The following SRGAP2B variants were observed in gnomAD, a reference collection of about 807,000 sequenced individuals.
SRGAP2B encodes SLIT-ROBO Rho GTPase-activating protein 2B.
SRGAP2B carries 9 observed loss-of-function variants against 22.2 expected under a neutral mutation model. That is an observed-to-expected ratio of 0.41 (90% CI 0.24 to 0.71). SRGAP2B has a LOEUF of 0.71. Ranked by LOEUF, SRGAP2B falls within the 30% of genes least tolerant of loss-of-function variation. The probability of loss-of-function intolerance (pLI) is 0.35; values close to 1 mark genes in which losing one functional copy is unlikely to be tolerated. For synonymous variants in SRGAP2B, 36 were observed against 87.4 expected (o/e 0.41, Z 3.28); for missense variants, 114 against 235.8 (o/e 0.48, Z 3.38).
At chr1:145,011,017 T>C (rs1377924236) in intron 2 of SRGAP2B, among the ~76,000 whole-genome samples, 2 of 77,250 alleles carry the variant, frequency 2.6e-5, no homozygotes, top group Admixed American at 3.0e-4. Context: ...TCTTCCCTTC[T>C]CCCAACCCAC....
rs778741522 is a variant in SRGAP2B at position 144,971,750 on chromosome 1, T to G, written c.261-16149A>C. Reference sequence around the variant, plus strand: ...TGTACAAAAAGAGAATCATGGAATTTCAGAGCTAGAAGGGACTTTCAAGAT... The same window carrying G: ...TGTACAAAAAGAGAATCATGGAATTGCAGAGCTAGAAGGGACTTTCAAGAT... On this transcript the variant is annotated intron_variant, in intron 3 of 9. Transcript: ENST00000612199. 2.7e-5 allele frequency among the ~76,000 whole-genome samples: 4 copies of G among 150,860 alleles called. 1 individual carries two copies. Among genetic ancestry groups the G allele is most frequent in the African/African-American group, 5.0e-5 (2 of 40,354 alleles).
At chr1:145,080,744 A>G (rs9777981) in intron 2 of SRGAP2B, among the ~76,000 whole-genome samples, 25 of 149,394 alleles carry the variant, frequency 1.7e-4, no homozygotes, top group Non-Finnish European at 2.8e-4. Context: ...TAATAGAGAC[A>G]GGGTTTCACC....
At chr1:144,913,023 C>T (rs1196061590) in intron 5 of SRGAP2B, among the ~76,000 whole-genome samples, 1 of 136,268 alleles carries the variant, frequency 7.3e-6, no homozygotes, top group Non-Finnish European at 1.5e-5. Flanking sequence ...CAGCTCGGCC[C>T]TCTGCAGACC....
chr1:144,945,566 G>C (rs1666434593), intron 4 of SRGAP2B, among the ~76,000 whole-genome samples: 2 of 151,516 alleles, frequency 1.3e-5, no homozygotes, highest in South Asian at 4.2e-4. Flanking sequence ...ACTCCAGCCT[G>C]GGGGACAGAG....
intron 5 of SRGAP2B, among the ~76,000 whole-genome samples, chr1:144,912,160 G>A (rs1402106473): frequency 6.8e-6 from 1 of 146,910 alleles, no homozygotes; most frequent in Non-Finnish European, 1.5e-5. Context: ...CACCGTGTTA[G>A]CCAGGATGGT....
At chr1:144,909,779 T>C (rs1353744513) in intron 5 of SRGAP2B, among the ~76,000 whole-genome samples, 2 of 150,356 alleles carry the variant, frequency 1.3e-5, no homozygotes, top group Non-Finnish European at 2.9e-5. Context: ...AATTTTGAGA[T>C]GGTCTAGGCC....
chr1:145,068,893 ATGTGTGTGTGTGTGTG>A (rs797031320), intron 2 of SRGAP2B, among the ~76,000 whole-genome samples: 242 of 109,232 alleles, frequency 2.2e-3, no homozygotes, highest in South Asian at 4.0e-3. Context: ...ATAAGGTAAA[ATGTGTGTGTGTGTGTG>A]TGTGTGTGTG....
intron 2 of SRGAP2B, among the ~76,000 whole-genome samples, chr1:145,061,598 C>T (rs1375532808): frequency 4.9e-5 from 7 of 142,416 alleles, no homozygotes; most frequent in African/African-American, 1.1e-4. Flanking sequence ...CTTTTTTTTC[C>T]CCCCTCTGAG....
At chr1:144,925,071 C>A in intron 4 of SRGAP2B, among the ~76,000 whole-genome samples, 1 of 148,662 alleles carries the variant, frequency 6.7e-6, no homozygotes, top group Non-Finnish European at 1.5e-5. Flanking sequence ...GGCGCCATCT[C>A]GGCTCACTGC....
chr1:144,954,638 T>C (rs1240731400), intron 4 of SRGAP2B, among the ~76,000 whole-genome samples: 3 of 150,790 alleles, frequency 2.0e-5, no homozygotes, highest in Admixed American at 2.0e-4. Flanking sequence ...TGATTCCACT[T>C]TGAGCTCAAG....
intron 3 of SRGAP2B, among the ~76,000 whole-genome samples, chr1:144,975,487 TGA>T (rs1553614029): frequency 6.8e-6 from 1 of 147,426 alleles, no homozygotes; most frequent in Non-Finnish European, 1.5e-5. Context: ...GATTAGTTCC[TGA>T]GAGAGTGAGT....
intron 4 of SRGAP2B, among the ~76,000 whole-genome samples, chr1:144,947,503 G>A (rs1164764595): frequency 2.7e-5 from 4 of 150,096 alleles, no homozygotes; most frequent in African/African-American, 1.0e-4. Context: ...TTCACTAATG[G>A]CAAAAGGACA....
intron 2 of SRGAP2B, among the ~76,000 whole-genome samples, chr1:144,997,128 C>T (rs1221223132): frequency 2.0e-5 from 3 of 150,440 alleles, no homozygotes; most frequent in African/African-American, 7.5e-5. Flanking sequence ...TAAATTCCAT[C>T]CGTTCAGTAA....
At chr1:144,985,601 G>A (rs1481856783) in intron 3 of SRGAP2B, among the ~76,000 whole-genome samples, 2 of 150,812 alleles carry the variant, frequency 1.3e-5, no homozygotes, top group Non-Finnish European at 2.9e-5. Context: ...CAAAGGCTCA[G>A]CAACGCATAG....
At chr1:145,047,175 C>CA (rs4058382) in intron 2 of SRGAP2B, among the ~76,000 whole-genome samples, 679 of 14,544 alleles carry the variant, frequency 0.047, 95 homozygotes, top group African/African-American at 0.088. Flanking sequence ...GACTCTGTCT[C>CA]AAAAAAAAAA....
intron 5 of SRGAP2B, among the ~76,000 whole-genome samples, chr1:144,907,139 G>A (rs1440488321): frequency 0.013 from 949 of 71,906 alleles, 3 homozygotes; most frequent in Non-Finnish European, 0.016. Flanking sequence ...GTGTGTGTGC[G>A]TGTGTGTGTG....
At chr1:144,933,958 A>T (rs1319725402) in intron 4 of SRGAP2B, among the ~76,000 whole-genome samples, 2 of 151,930 alleles carry the variant, frequency 1.3e-5, no homozygotes, top group African/African-American at 4.8e-5. Flanking sequence ...TCATTTGCTC[A>T]CATCCTATAA....
At chr1:144,908,193 A>T (rs1663127445) in intron 5 of SRGAP2B, among the ~76,000 whole-genome samples, 1 of 149,382 alleles carries the variant, frequency 6.7e-6, no homozygotes, top group East Asian at 1.9e-4. Flanking sequence ...GTGAGAAGTT[A>T]CAAAAGTGAG....
exon 4 of SRGAP2B, chr1:144,955,561 G>T: frequency 1.1e-6 from 1 of 912,248 alleles, no homozygotes; most frequent in Non-Finnish European, 1.8e-6. Context: ...TTTAAGAGGA[G>T]ATTCCAGCAG....
Sources: gnomAD v4.1 joint callset for allele counts (sites outside exome capture counted in the v4.1 genomes callset) on GRCh38, gnomAD v4.1.1 for gene constraint, MANE v1.5 for transcripts, NCBI Gene and HGNC (gene_info 2026-07-23, HGNC 2026-07-21) for gene names.